The following THSD7B variants were observed in gnomAD, a reference collection of about 807,000 sequenced individuals.
THSD7B encodes the protein thrombospondin type-1 domain-containing protein 7B.
THSD7B carries 138 observed loss-of-function variants against 213.6 expected under a neutral mutation model. The ratio of observed to expected loss-of-function variants is 0.65; its 90% confidence interval spans 0.56 to 0.74. THSD7B has a LOEUF of 0.74. Among genes scored for constraint, THSD7B ranks in the 30% least tolerant of loss-of-function variants. The pLI is 0.00. For missense variants in THSD7B, 1,931 were observed against 1,991.5 expected (o/e 0.97, Z 0.58); for synonymous variants, 742 against 687.0 (o/e 1.08, Z -1.25).
intron 1 of THSD7B, among the ~76,000 whole-genome samples, chr2:136,808,048 A>G (rs988801823): frequency 8.5e-5 from 13 of 152,092 alleles, no homozygotes; most frequent in African/African-American, 2.9e-4. Flanking sequence ...TCCAAATCTG[A>G]TCTGTTACCT....
At chr2:136,858,367 ATG>A (rs1410875545) in intron 1 of THSD7B, among the ~76,000 whole-genome samples, 2 of 145,408 alleles carry the variant, frequency 1.4e-5, no homozygotes, top group Non-Finnish European at 3.1e-5. Flanking sequence ...ACATGCTGAC[ATG>A]TGGTTTATTC....
intron 12 of THSD7B, among the ~76,000 whole-genome samples, chr2:137,352,979 C>T (rs1377411321): frequency 1.3e-5 from 2 of 151,782 alleles, no homozygotes; most frequent in Non-Finnish European, 1.5e-5. Context: ...TAGAATGAGC[C>T]TTGCTTAAAA....
rs547146496 is a variant in THSD7B, at chr2:137,090,939, C to T, written c.951-3934C>T. Among the ~76,000 whole-genome samples the T allele has an allele frequency of 9.1e-4, 138 of 152,298 alleles. 1 individual carries two copies. Among genetic ancestry groups the T allele is most frequent in the Non-Finnish European group, 1.4e-3 (97 of 68,018 alleles). On this transcript the variant is annotated intron_variant, in intron 3 of 27. Transcript: ENST00000409968. ...CAAAGTGCAGGACCCAGATATTTCT[C>T]ATTCACCATCTAATGCTCCTTTTAC...
At chr2:137,564,181 G>A (rs1190843823) in intron 16 of THSD7B, among the ~76,000 whole-genome samples, 1 of 152,150 alleles carries the variant, frequency 6.6e-6, no homozygotes, top group Non-Finnish European at 1.5e-5. Context: ...CAAATGGACA[G>A]TCAGTGTCTA....
At position 137,549,308 on chromosome 2, in the gene THSD7B, C is replaced by CTTTTTTTTTTTTTTTTTTTTTTTTTTTTT. The variant is rs1680797969; in HGVS notation, c.3139-13912_3139-13911insTTTTTTTTTTTTTTTTTTTTTTTTTTTTT. ...GCAGACATGTCTTTTTTTTCAGATG[C>CTTTTTTTTTTTTTTTTTTTTTTTTTTTTT]TCTTTTTTTTTTTTTTTTTTTTTTT... On this transcript the variant is annotated intron_variant, in intron 15 of 27. Coordinates refer to ENST00000409968, the MANE Select transcript of THSD7B (RefSeq NM_001316349.2). Among the ~76,000 whole-genome samples the CTTTTTTTTTTTTTTTTTTTTTTTTTTTTT allele has an allele frequency of 2.0e-5, 2 of 100,178 alleles. 1 individual carries two copies. 65.7% of individuals were successfully genotyped at this position (100,178 alleles called of 152,430 possible).
At chr2:136,849,579 G>T (rs1437582789) in intron 1 of THSD7B, among the ~76,000 whole-genome samples, 1 of 152,084 alleles carries the variant, frequency 6.6e-6, no homozygotes, top group Admixed American at 6.6e-5. Flanking sequence ...CCCCATCCTA[G>T]CTCCTAGTGA....
chr2:137,046,413 A>G (rs147815854), intron 2 of THSD7B, among the ~76,000 whole-genome samples: 269 of 152,216 alleles, frequency 1.8e-3, no homozygotes, highest in East Asian at 0.013. Context: ...ACTGGGCTGT[A>G]GCAGGCAGTG....
intron 2 of THSD7B, among the ~76,000 whole-genome samples, chr2:136,943,615 T>G (rs1347331359): frequency 6.6e-6 from 1 of 152,156 alleles, no homozygotes; most frequent in African/African-American, 2.4e-5. Flanking sequence ...CTTGGGAGGG[T>G]GTATGTGTTC....
chr2:137,466,657 C>T (rs1478654159), intron 15 of THSD7B, among the ~76,000 whole-genome samples: 3 of 152,064 alleles, frequency 2.0e-5, no homozygotes, highest in Non-Finnish European at 4.4e-5. Flanking sequence ...TTCAAATATA[C>T]ATGAAACCAG....
intron 15 of THSD7B, among the ~76,000 whole-genome samples, chr2:137,539,043 A>G (rs1021186528): frequency 1.5e-4 from 23 of 151,750 alleles, no homozygotes; most frequent in African/African-American, 5.3e-4. Context: ...TTTCTAGATT[A>G]TATCAATATC....
At chr2:137,604,672 G>A (rs1035018818) in intron 17 of THSD7B, among the ~76,000 whole-genome samples, 2 of 152,138 alleles carry the variant, frequency 1.3e-5, no homozygotes, top group African/African-American at 4.8e-5. Context: ...CTACTGATGA[G>A]TCATACTGGG....
intron 5 of THSD7B, among the ~76,000 whole-genome samples, chr2:137,129,486 C>T (rs1201040057): frequency 6.6e-6 from 1 of 151,928 alleles, no homozygotes; most frequent in Non-Finnish European, 1.5e-5. Context: ...GTCACCCAGG[C>T]TGGAGTGTGG....
chr2:137,390,678 A>G (rs1686003583), intron 12 of THSD7B, among the ~76,000 whole-genome samples: 1 of 152,148 alleles, frequency 6.6e-6, no homozygotes, highest in Non-Finnish European at 1.5e-5. Context: ...TTTGTCATAC[A>G]TGGTCTTTAT....
chr2:136,788,420 G>C (rs1167153699), intron 1 of THSD7B, among the ~76,000 whole-genome samples: 2 of 152,120 alleles, frequency 1.3e-5, no homozygotes, highest in African/African-American at 2.4e-5. Flanking sequence ...TATTCAAATT[G>C]CAGTGCCCCA....
chr2:137,348,703 C>CTTTTTTTTTTTTTTTTTTTTTT (rs80150345), intron 12 of THSD7B, among the ~76,000 whole-genome samples: 32 of 110,908 alleles, frequency 2.9e-4, no homozygotes, highest in Non-Finnish European at 4.0e-4. Context: ...CTATGAACTC[C>CTTTTTTTTTTTTTTTTTTTTTT]TTTTTTTTTT....
chr2:137,673,158 C>T (rs62166268), intron 27 of THSD7B, among the ~76,000 whole-genome samples: 17,717 of 152,220 alleles, frequency 0.12, 1,782 homozygotes, highest in East Asian at 0.32. Flanking sequence ...TGAGTCCTTG[C>T]TGAGAAGTGC....
chr2:137,447,062 T>C (rs916167326), intron 14 of THSD7B, among the ~76,000 whole-genome samples: 1 of 152,124 alleles, frequency 6.6e-6, no homozygotes, highest in Admixed American at 6.5e-5. Flanking sequence ...CTTTGGGGTA[T>C]ACTCTGGCAT....
chr2:136,925,609 T>G (rs1684510093), intron 2 of THSD7B, among the ~76,000 whole-genome samples: 1 of 152,214 alleles, frequency 6.6e-6, no homozygotes, highest in Non-Finnish European at 1.5e-5. Context: ...TCAATATTCA[T>G]TAAGGATATT....
intron 17 of THSD7B, among the ~76,000 whole-genome samples, chr2:137,593,126 A>G (rs147640458): frequency 1.3e-5 from 2 of 152,004 alleles, no homozygotes; most frequent in African/African-American, 4.8e-5. Flanking sequence ...GTTAAATAGT[A>G]TTTCACTGTA....
Sources: allele counts gnomAD v4.1 joint callset (sites outside exome capture counted in the v4.1 genomes callset), GRCh38; gene constraint gnomAD v4.1.1; transcripts MANE v1.5; gene names NCBI Gene and HGNC (gene_info 2026-07-23, HGNC 2026-07-21).